Variants in DCTN6 observed in about 807,000 individuals in gnomAD.
DCTN6 encodes the protein dynactin 6.
In DCTN6, 15 loss-of-function variants were observed where a neutral mutation model predicts 25.8. That is an observed-to-expected ratio of 0.58 (90% confidence interval 0.39 to 0.89). The LOEUF (loss-of-function observed/expected upper bound fraction) is 0.89. DCTN6 is among the 40% of genes least tolerant of loss of function. The pLI, the probability that DCTN6 is intolerant of heterozygous loss-of-function variation, is 0.00. For synonymous variants in DCTN6, 64 were observed against 78.3 expected (o/e 0.82, Z 0.96); for missense variants, 198 against 237.6 (o/e 0.83, Z 1.09).
Position 30,180,602 on chromosome 8 carries a change from T to C in DCTN6, c.446T>C (p.Leu149Pro), listed in dbSNP as rs200592213. ...ACGGTGATCTATGGTGCAGACTGCC[T>C]TCGTCGGGTGCAGACTGAGCGACCG... The part of the protein sequence containing the change: ...ENTVIYGADC[L>P]RRVQTERPQP... The change falls in exon 6 of 7, where the codon CTT (leucine) becomes CCT (proline). Residue 149 changes from leucine to proline, a missense_variant. By Grantham distance (98) the Leu-to-Pro change is moderately conservative. Transcript: ENST00000221114. The C allele has an allele frequency of 2.5e-6, 4 of 1,614,130 alleles. No individual in the cohort carries two copies. The East Asian group carries it at 6.7e-5, about 27-fold the overall frequency.
chr8:30,180,443 C>T, intron 5 of DCTN6, 45 bp from the exon 6 acceptor site: 2 of 1,584,710 alleles, frequency 1.3e-6, no homozygotes, highest in Non-Finnish European at 1.7e-6. Context: ...GTGTTGGAAT[C>T]ATTTGATGTC....
intron 4 of DCTN6, among the ~76,000 whole-genome samples, chr8:30,177,849 C>T (rs891527672): frequency 1.3e-5 from 2 of 152,180 alleles, no homozygotes; most frequent in East Asian, 1.9e-4. Flanking sequence ...ATAAGTATGC[C>T]GTTTTTAGAC....
chr8:30,158,573 T>C (rs1470071425), intron 1 of DCTN6, among the ~76,000 whole-genome samples: 1 of 152,204 alleles, frequency 6.6e-6, no homozygotes, highest in Non-Finnish European at 1.5e-5. Flanking sequence ...TTCTAGTCTC[T>C]GAATTTCAGT....
At chr8:30,164,835 C>T (rs935957021) in intron 2 of DCTN6, among the ~76,000 whole-genome samples, 10 of 152,148 alleles carry the variant, frequency 6.6e-5, no homozygotes, top group South Asian at 2.1e-4. Context: ...AAAGGGGAGG[C>T]GTGGAAGCAA....
chr8:30,163,191 G>C (rs534638641), intron 1 of DCTN6, among the ~76,000 whole-genome samples: 1 of 152,238 alleles, frequency 6.6e-6, no homozygotes, highest in African/African-American at 2.4e-5. Context: ...CAGCTACTAG[G>C]GAGGCTGAGG....
At chr8:30,168,818 T>G (rs560604204) in intron 2 of DCTN6, among the ~76,000 whole-genome samples, 39 of 152,312 alleles carry the variant, frequency 2.6e-4, no homozygotes, top group African/African-American at 8.9e-4. Context: ...TCAAGGCTGT[T>G]CAGAGACAGA....
chr8:30,177,957 A>G (rs1335072243), intron 4 of DCTN6, among the ~76,000 whole-genome samples: 1 of 152,214 alleles, frequency 6.6e-6, no homozygotes, highest in Non-Finnish European at 1.5e-5. Flanking sequence ...TGGCTGAGTG[A>G]CAGTAAACAT....
chr8:30,180,881 A>C, intron 6 of DCTN6: 1 of 514,278 alleles, frequency 1.9e-6, no homozygotes, highest in Non-Finnish European at 3.4e-6. Context: ...ACACTAGAAA[A>C]ACTAAGCCAG....
chr8:30,169,384 C>T (rs1803731113), intron 2 of DCTN6, among the ~76,000 whole-genome samples: 1 of 152,138 alleles, frequency 6.6e-6, no homozygotes, highest in South Asian at 2.1e-4. Context: ...TGTCCTTTAC[C>T]AGGGAAATGG....
intron 2 of DCTN6, among the ~76,000 whole-genome samples, chr8:30,167,208 T>C (rs560408183): frequency 1.3e-5 from 2 of 152,040 alleles, no homozygotes; most frequent in Non-Finnish European, 2.9e-5. Context: ...GGCGCATGCC[T>C]GTAGTCCCAG....
At chr8:30,163,068 TGGG>T (rs1563228404) in intron 1 of DCTN6, among the ~76,000 whole-genome samples, 1 of 151,834 alleles carries the variant, frequency 6.6e-6, no homozygotes, top group Non-Finnish European at 1.5e-5. Flanking sequence ...GAGGCTGAGG[TGGG>T]TGGATCACCT....
intron 2 of DCTN6, among the ~76,000 whole-genome samples, chr8:30,169,103 C>T (rs1474409057): frequency 6.6e-6 from 1 of 152,248 alleles, no homozygotes; most frequent in Admixed American, 6.5e-5. Flanking sequence ...GCTGGAAGCA[C>T]TTTGTCCCAC....
At chr8:30,182,424 A>G (rs989711713) in intron 6 of DCTN6, among the ~76,000 whole-genome samples, 4 of 152,112 alleles carry the variant, frequency 2.6e-5, no homozygotes, top group Admixed American at 6.6e-5. Context: ...GTGGAAAACA[A>G]AATACTCTGG....
Position 30,180,569 on chromosome 8 carries a change from C to T in DCTN6, c.413C>T (p.Pro138Leu). The change falls in exon 6 of 7, where the codon CCT becomes CTT. Residue 138 changes from proline (P) to leucine (L), a missense_variant. By Grantham distance (98) the Pro-to-Leu change is moderately conservative. Coordinates refer to ENST00000221114, the MANE Select transcript of DCTN6 (RefSeq NM_006571.4). The stretch of plus-strand genomic sequence containing the variant: ...AACCTAAATACATTTGAAGTCATCC[C>T]TGAGAATACGGTGATCTATGGTGCA... ...CCNLNTFEVIPENTVIYGADC... is the reference protein window; with the variant it reads ...CCNLNTFEVILENTVIYGADC... 6.2e-7 allele frequency: 1 copy of T among 1,614,048 alleles called. No individual in the cohort carries two copies. The highest frequency in any genetic ancestry group is 1.3e-5 in the African/African-American group (1 of 75,012).
At chr8:30,181,655 G>A (rs995552142) in intron 6 of DCTN6, among the ~76,000 whole-genome samples, 59 of 152,012 alleles carry the variant, frequency 3.9e-4, no homozygotes, top group African/African-American at 1.2e-3. Flanking sequence ...AGGCCAAGGC[G>A]GGCGGATCAC....
intron 1 of DCTN6, among the ~76,000 whole-genome samples, chr8:30,161,640 C>T (rs936943890): frequency 2.0e-5 from 3 of 152,138 alleles, no homozygotes; most frequent in Non-Finnish European, 4.4e-5. Context: ...TCAGTGATGT[C>T]CAACCTGGGA....
chr8:30,158,804 C>T (rs1585497193), intron 1 of DCTN6, among the ~76,000 whole-genome samples: 7 of 95,056 alleles, frequency 7.4e-5, no homozygotes, highest in South Asian at 7.5e-4. Context: ...TTTTTTGAGA[C>T]GGAGTCTCAC....
At chr8:30,158,889 A>C (rs1234479873) in intron 1 of DCTN6, among the ~76,000 whole-genome samples, 1 of 149,852 alleles carries the variant, frequency 6.7e-6, no homozygotes, top group African/African-American at 2.5e-5. Context: ...TCAAGCGATC[A>C]TCCTGCCTCA....
chr8:30,164,127 G>A lies in DCTN6; in HGVS notation c.40G>A (p.Gly14Arg), dbSNP rs765199646. The A allele has an allele frequency of 6.2e-7, 1 of 1,613,824 alleles. No individual in the cohort carries two copies. The highest frequency in any genetic ancestry group is 1.7e-5 in the Admixed American group (1 of 60,032). Residue 14 changes from glycine (G) to arginine (R), a missense_variant, in exon 2 of 7, where the codon GGA becomes AGA. Gly to Arg is a moderately radical substitution (Grantham distance 125, BLOSUM62 -2). Transcript: ENST00000221114. ...KTQKSVKIAP[G>R]AVVCVESEIR... ...TTGCTACAGTGTGAAGATTGCTCCT[G>A]GAGCAGTTGTATGTGTAGAAAGTGA... is the stretch of plus-strand genomic sequence containing the variant.
Sources: gnomAD v4.1 joint callset for allele counts (sites outside exome capture counted in the v4.1 genomes callset) on GRCh38, gnomAD v4.1.1 for gene constraint, MANE v1.5 for transcripts, NCBI Gene and HGNC (gene_info 2026-07-23, HGNC 2026-07-21) for gene names.